The following GTF2H3 variants were observed in gnomAD, a reference collection of about 807,000 sequenced individuals.
GTF2H3 encodes general transcription factor IIH subunit 3, also known as TFIIH basal transcription factor complex p34 subunit.
Under a neutral mutation model 51.1 loss-of-function variants are expected in GTF2H3, and 42 were observed. The observed-to-expected ratio is 0.82, with a 90% CI of 0.64 to 1.06. The LOEUF is 1.06. Among genes scored for constraint, GTF2H3 ranks in the 50% least tolerant of loss-of-function variants. The pLI, the probability that GTF2H3 is intolerant of heterozygous loss-of-function variation, is 0.00. For missense variants in GTF2H3, 326 were observed against 366.1 expected, an observed-to-expected ratio of 0.89 and a Z score of 0.89; for synonymous variants, 123 against 123.8, an observed-to-expected ratio of 0.99 and a Z score of 0.04.
At chr12:123,642,056 A>G (rs1032572117) in intron 2 of GTF2H3, among the ~76,000 whole-genome samples, 2 of 150,856 alleles carry the variant, frequency 1.3e-5, no homozygotes, top group Non-Finnish European at 1.5e-5. Context: ...GTTTCACCAT[A>G]TTGGTCAGGC....
At chr12:123,653,567 T>C (rs1219758948) in intron 7 of GTF2H3, among the ~76,000 whole-genome samples, 2 of 150,876 alleles carry the variant, frequency 1.3e-5, no homozygotes, top group Non-Finnish European at 3.0e-5. Context: ...GAGAATGGCG[T>C]GAACCCAGGA....
At position 123,654,978 on chromosome 12, in the gene GTF2H3, A is replaced by G. The variant is rs1449244561; in HGVS notation, c.541A>G (p.Ile181Val). The G allele has an allele frequency of 6.2e-7, 1 of 1,612,862 alleles. No individual in the cohort carries two copies. The highest frequency in any genetic ancestry group is 1.3e-5 in the African/African-American group (1 of 75,022). The change falls in exon 8 of 13, where the codon ATC (isoleucine) becomes GTC (valine). Residue 181 changes from isoleucine (I) to valine (V), a missense_variant. By Grantham distance (29) the Ile-to-Val change is conservative. Transcript: ENST00000543341. ...GCAGTATATGAACTTCATGAATGTC[A>G]TCTTTGCAGCACAGAAACAGGTGAA... ...ALQYMNFMNV[I>V]FAAQKQNILI...
chr12:123,643,914 T>C (rs1468777448), intron 2 of GTF2H3, among the ~76,000 whole-genome samples: 1 of 152,142 alleles, frequency 6.6e-6, no homozygotes, highest in Non-Finnish European at 1.5e-5. Context: ...CACTGCAGCC[T>C]CCACCTCCTG....
At position 123,651,235 on chromosome 12, in the gene GTF2H3, C is replaced by T. The variant is rs1045591319; in HGVS notation, c.427+179C>T. ...TGAATTTTTTTTTCTTTTTTTGAGA[C>T]AGTCTCACTCTGTCGCCCAAGTTGG... On this transcript the variant is annotated intron_variant, in intron 5 of 12. Coordinates refer to ENST00000543341, the MANE Select transcript of GTF2H3 (RefSeq NM_001516.5). The T allele has an allele frequency of 7.7e-5, 36 of 468,082 alleles. No homozygotes were observed. In the Admixed American group the frequency reaches 1.3e-3, roughly 17 times the overall value. 29.0% of individuals were successfully genotyped at this position (468,082 alleles called of 1,614,324 possible).
At position 123,641,101 on chromosome 12, in the gene GTF2H3, A is replaced by G. The variant is rs1367891155; in HGVS notation, c.93+1758A>G. Among the ~76,000 whole-genome samples the G allele has an allele frequency of 3.9e-5, 6 of 152,298 alleles. No homozygotes were observed. In the East Asian group the frequency reaches 1.2e-3, roughly 29 times the overall value. On this transcript the variant is annotated intron_variant, in intron 2 of 12. Transcript: ENST00000543341. ...CAGGCGGTTGAGTCTGCAGTGAGCC[A>G]TAACTATGCCACTGCACTCCAGCCT...
chr12:123,641,552 T>C (rs1207158667), intron 2 of GTF2H3, among the ~76,000 whole-genome samples: 1 of 151,384 alleles, frequency 6.6e-6, no homozygotes, highest in African/African-American at 2.4e-5. Context: ...TGTTTTTTTT[T>C]TGAGACAGAG....
At position 123,654,909 on chromosome 12, in the gene GTF2H3, G is replaced by T; in HGVS notation, c.487-15G>T. 3 of 1,595,670 alleles carry T rather than the reference G, an allele frequency of 1.9e-6. No homozygotes were observed. The highest frequency in any genetic ancestry group is 2.6e-6 in the Non-Finnish European group (3 of 1,163,156). Reference sequence around the variant, plus strand: ...GCATGTGCCTGGGTGGAATTAACATGACTGTGATTTTTAGGTGATTAAGGC... The same window carrying T: ...GCATGTGCCTGGGTGGAATTAACATTACTGTGATTTTTAGGTGATTAAGGC... On this transcript the variant is annotated splice_polypyrimidine_tract_variant and intron_variant, in intron 7 of 12. Coordinates refer to ENST00000543341, the MANE Select transcript of GTF2H3 (RefSeq NM_001516.5).
intron 4 of GTF2H3, chr12:123,649,919 A>G (rs1955499329): frequency 6.6e-6 from 1 of 152,234 alleles, no homozygotes; most frequent in Non-Finnish European, 1.5e-5. Flanking sequence ...CTGTTAAAAA[A>G]TCAGCTGGAA....
chr12:123,649,815 T>C (rs1955497758), intron 4 of GTF2H3: 1 of 152,218 alleles, frequency 6.6e-6, no homozygotes, highest in Non-Finnish European at 1.5e-5. Flanking sequence ...TGGATTGTGA[T>C]GATGATTGCA....
chr12:123,654,337 GGTGT>G (rs1193331970), intron 7 of GTF2H3, among the ~76,000 whole-genome samples: 2 of 151,000 alleles, frequency 1.3e-5, no homozygotes, highest in Non-Finnish European at 3.0e-5. Flanking sequence ...GTGTGTGTTG[GGTGT>G]GTGTATTTAG....
chr12:123,633,859 C>T lies in GTF2H3; in HGVS notation c.-1C>T, dbSNP rs1955229552. The stretch of plus-strand genomic sequence containing the variant: ...CTCTGCGCTGAGGTGCTGGGACAGC[C>T]ATGGTTTCAGACGGTGAGGACCCTG... On this transcript the variant is annotated 5_prime_UTR_variant, in exon 1 of 13. Transcript: ENST00000543341. The T allele has an allele frequency of 9.3e-6, 15 of 1,613,440 alleles. No homozygotes were observed. Among genetic ancestry groups the T allele is most frequent in the Non-Finnish European group, 1.2e-5 (14 of 1,180,016 alleles).
At position 123,647,022 on chromosome 12, in the gene GTF2H3, G is replaced by A. The variant is rs1012946230; in HGVS notation, c.201-941G>A. On this transcript the variant is annotated intron_variant, in intron 3 of 12. Coordinates refer to ENST00000543341, the MANE Select transcript of GTF2H3 (RefSeq NM_001516.5). ...AAAAAAATTAGCCGGGCATGGTGGC[G>A]GGCACCTGTAGTCCCAGCTACTCGT... is the stretch of plus-strand genomic sequence containing the variant. 4.0e-5 allele frequency among the ~76,000 whole-genome samples: 6 copies of A among 151,532 alleles called. No homozygotes were observed. The South Asian group carries it at 8.3e-4, about 21-fold the overall frequency.
At chr12:123,642,586 G>C (rs1243929377) in intron 2 of GTF2H3, among the ~76,000 whole-genome samples, 1 of 152,056 alleles carries the variant, frequency 6.6e-6, no homozygotes, top group Non-Finnish European at 1.5e-5. Context: ...GTTGCTGTAG[G>C]GATTACTGTA....
chr12:123,647,167 A>C (rs1955458996), intron 3 of GTF2H3, among the ~76,000 whole-genome samples: 1 of 148,458 alleles, frequency 6.7e-6, no homozygotes, highest in Non-Finnish European at 1.5e-5. Flanking sequence ...AAAAAAAAAA[A>C]AAAAAGTCAC....
chr12:123,657,457 T>A (rs930127135), intron 9 of GTF2H3, among the ~76,000 whole-genome samples: 2 of 152,180 alleles, frequency 1.3e-5, no homozygotes, highest in Non-Finnish European at 2.9e-5. Context: ...GCACTTTCTG[T>A]TCTCTCTGCT....
intron 1 of GTF2H3, among the ~76,000 whole-genome samples, chr12:123,638,828 T>C (rs1242025374): frequency 1.3e-5 from 2 of 148,338 alleles, no homozygotes; most frequent in Non-Finnish European, 3.0e-5. Flanking sequence ...CAGAGTCTTG[T>C]TCTGTGGCCC....
At chr12:123,656,764 C>T (rs1208089189) in intron 9 of GTF2H3, among the ~76,000 whole-genome samples, 2 of 152,156 alleles carry the variant, frequency 1.3e-5, no homozygotes, top group African/African-American at 4.8e-5. Flanking sequence ...CTTTCATAAC[C>T]ATGAGCAAAT....
intron 8 of GTF2H3, 46 bp downstream of exon 8, chr12:123,655,044 G>C (rs1414615538): frequency 6.8e-7 from 1 of 1,476,660 alleles, no homozygotes; most frequent in East Asian, 2.3e-5. Context: ...CATAACGAAG[G>C]AGTCAATTTC....
intron 3 of GTF2H3, 104 bp from the exon 4 acceptor site, chr12:123,647,859 T>C (rs908419796): frequency 6.3e-6 from 4 of 637,478 alleles, no homozygotes. Context: ...GAGTCCCACA[T>C]TGTTGTAATT....
Sources: gnomAD v4.1 joint callset for allele counts (sites outside exome capture counted in the v4.1 genomes callset) on GRCh38, gnomAD v4.1.1 for gene constraint, MANE v1.5 for transcripts, NCBI Gene and HGNC (gene_info 2026-07-23, HGNC 2026-07-21) for gene names.